Variants in TULP4 observed in about 807,000 individuals in gnomAD.
TULP4 encodes TUB like protein 4, also known as tubby-related protein 4.
Under a neutral mutation model 129.0 loss-of-function variants are expected in TULP4, and 16 were observed. The ratio of observed to expected loss-of-function variants is 0.12; its 90% CI spans 0.08 to 0.19. The LOEUF is 0.19. Among genes scored for constraint, TULP4 ranks in the 10% least tolerant of loss-of-function variants. The pLI is 1.00. For synonymous variants in TULP4, 998 were observed against 854.0 expected (o/e 1.17, Z -2.94); for missense variants, 1,842 against 2,059.1 (o/e 0.89, Z 2.04).
rs1394728284 is a variant in TULP4 at position 158,493,669 on chromosome 6, C to T, written c.1728C>T (p.Gly576=). 2 of 1,596,642 alleles carry T rather than the reference C, an allele frequency of 1.3e-6. No individual in the cohort carries two copies. Among genetic ancestry groups the T allele is most frequent in the East Asian group, 4.7e-5 (2 of 42,616 alleles). The change falls in exon 10 of 14, where the codon GGC becomes GGT. Residue 576 remains glycine, a synonymous_variant. Coordinates refer to ENST00000367097, the MANE Select transcript of TULP4 (RefSeq NM_020245.5). The surrounding 1 kb of genome is among the most constrained non-coding windows in gnomAD (Gnocchi z 4.4). Reference sequence around the variant, plus strand: ...TGCCCCTGCGCAAGCCCTCTGTGGGCTCGCCCAGCCTGACTCGGAGAGAGT... The same window carrying T: ...TGCCCCTGCGCAAGCCCTCTGTGGGTTCGCCCAGCCTGACTCGGAGAGAGT... ...PRLPLRKPSV[G]SPSLTRREFP...
chr6:158,422,618 G>C (rs1562559643), intron 2 of TULP4, among the ~76,000 whole-genome samples: 2 of 152,186 alleles, frequency 1.3e-5, no homozygotes, highest in East Asian at 1.9e-4. Context: ...GAAGGAAGAG[G>C]CTCCCCCATA....
chr6:158,452,174 G>A lies in TULP4; in HGVS notation c.765G>A (p.Lys255=), dbSNP rs762901179. The part of the protein sequence containing the change: ...AAYPIPVQNI[K]PLLTVSFTSG... Reference sequence around the variant, plus strand: ...ATCCCATCCCAGTGCAGAACATCAAGCCTCTGCTCACCGTCAGCTTCACCT... The same window carrying A: ...ATCCCATCCCAGTGCAGAACATCAAACCTCTGCTCACCGTCAGCTTCACCT... Residue 255 remains lysine (K), a synonymous_variant, in exon 5 of 14, where the codon AAG becomes AAA. Coordinates refer to ENST00000367097, the MANE Select transcript of TULP4 (RefSeq NM_020245.5). 1 of 1,614,206 alleles carries A rather than the reference G, an allele frequency of 6.2e-7. No homozygotes were observed.
chr6:158,349,899 G>A (rs6927707), intron 1 of TULP4, among the ~76,000 whole-genome samples: 109,503 of 117,780 alleles, frequency 0.93, 50,959 homozygotes, highest in Admixed American at 0.95. Flanking sequence ...CACCTCCTAG[G>A]TGGGGCGGCC....
chr6:158,300,443 C>CT (rs1779113128), intron 1 of TULP4, among the ~76,000 whole-genome samples: 1 of 152,202 alleles, frequency 6.6e-6, no homozygotes, highest in Non-Finnish European at 1.5e-5. Flanking sequence ...GTTGCTCAGA[C>CT]TGTTTGGACA....
intron 1 of TULP4, among the ~76,000 whole-genome samples, chr6:158,390,727 A>G (rs1189495225): frequency 1.3e-5 from 2 of 152,262 alleles, no homozygotes; most frequent in Non-Finnish European, 2.9e-5. Context: ...CAGTGGTGTC[A>G]TGGAAATTGA....
chr6:158,384,529 C>A lies in TULP4; in HGVS notation c.253-28536C>A, dbSNP rs565653628. Among the ~76,000 whole-genome samples, 4 of 152,202 alleles carry A rather than the reference C, an allele frequency of 2.6e-5. No homozygotes were observed. In the South Asian group the frequency reaches 8.3e-4, roughly 32 times the overall value. ...GATCTTGATCTCCTGACCTCATGAT[C>A]CACCCTCCTCAGCCTCCCAAAGTGC... On this transcript the variant is annotated intron_variant, in intron 1 of 13. Transcript: ENST00000367097.
At chr6:158,397,840 A>G (rs1461913655) in intron 1 of TULP4, 1 of 152,222 alleles carries the variant, frequency 6.6e-6, no homozygotes, top group Admixed American at 6.5e-5. Flanking sequence ...TTCGTGATTG[A>G]TAGTGGTGTC....
chr6:158,379,579 T>C (rs192519118), intron 1 of TULP4, among the ~76,000 whole-genome samples: 14 of 152,310 alleles, frequency 9.2e-5, no homozygotes, highest in Non-Finnish European at 1.6e-4. Flanking sequence ...AGCCTTGTGG[T>C]TGATCTTTCA....
intron 3 of TULP4, among the ~76,000 whole-genome samples, chr6:158,432,824 T>G (rs894643364): frequency 6.6e-6 from 1 of 152,248 alleles, no homozygotes; most frequent in African/African-American, 2.4e-5. Flanking sequence ...CTGAAACATT[T>G]TGCCATATTT....
intron 1 of TULP4, among the ~76,000 whole-genome samples, chr6:158,296,881 C>CA (rs1314822570): frequency 6.6e-6 from 1 of 152,188 alleles, no homozygotes; most frequent in Non-Finnish European, 1.5e-5. Flanking sequence ...GCAAAGATCA[C>CA]ATGCTTCTGA....
chr6:158,474,264 G>T (rs1779761691), intron 6 of TULP4, among the ~76,000 whole-genome samples: 1 of 152,170 alleles, frequency 6.6e-6, no homozygotes, highest in Non-Finnish European at 1.5e-5. Flanking sequence ...GGTGGAGAGG[G>T]AGGCTGGAGA....
chr6:158,442,690 A>G (rs1778926508), intron 3 of TULP4, among the ~76,000 whole-genome samples: 1 of 152,186 alleles, frequency 6.6e-6, no homozygotes, highest in Admixed American at 6.5e-5. Context: ...CACATGGTAT[A>G]AAATACTAAA....
intron 1 of TULP4, among the ~76,000 whole-genome samples, chr6:158,411,970 G>A (rs1562555164): frequency 6.6e-6 from 1 of 152,194 alleles, no homozygotes; most frequent in Non-Finnish European, 1.5e-5. Context: ...TAGCTATTAG[G>A]CACAAAATGC....
At chr6:158,411,126 GAAAAA>G (rs79023085) in intron 1 of TULP4, among the ~76,000 whole-genome samples, 2 of 52,170 alleles carry the variant, frequency 3.8e-5, no homozygotes, top group African/African-American at 6.2e-5. Flanking sequence ...AGGTAAAAGT[GAAAAA>G]AAAAAAAAAA....
chr6:158,338,330 C>T (rs1378814206), intron 1 of TULP4, among the ~76,000 whole-genome samples: 5 of 152,298 alleles, frequency 3.3e-5, no homozygotes, highest in Admixed American at 1.3e-4. Flanking sequence ...CCAAATTATA[C>T]TTTAAAGTGT....
intron 10 of TULP4, among the ~76,000 whole-genome samples, chr6:158,494,538 T>A (rs959525834): frequency 6.6e-6 from 1 of 152,092 alleles, no homozygotes; most frequent in African/African-American, 2.4e-5. Flanking sequence ...CACCCCCACC[T>A]TTCCCCCAGC....
chr6:158,415,373 G>A (rs1177695766), intron 2 of TULP4, among the ~76,000 whole-genome samples: 10 of 137,174 alleles, frequency 7.3e-5, no homozygotes, highest in Non-Finnish European at 1.1e-4. Context: ...TTTTTGAGAC[G>A]GAGTCACGCT....
chr6:158,502,711 G>T lies in TULP4; in HGVS notation c.3048G>T (p.Lys1016Asn). 1 of 1,560,928 alleles carries T rather than the reference G, an allele frequency of 6.4e-7. No homozygotes were observed. Residue 1016 changes from lysine (K) to asparagine (N), a missense_variant, in exon 13 of 14, where the codon AAG becomes AAT. Transcript: ENST00000367097. ...RAPLQPLAKS[K>N]GGPGGVVTQL... ...CCCTGCAGCCCCTGGCCAAGTCCAAGGGCGGGCCCGGGGGGGTGGTGACAC... is the reference window on the plus strand; with the variant it reads ...CCCTGCAGCCCCTGGCCAAGTCCAATGGCGGGCCCGGGGGGGTGGTGACAC...
At chr6:158,326,122 G>A (rs6455573) in intron 1 of TULP4, among the ~76,000 whole-genome samples, 131,131 of 152,170 alleles carry the variant, frequency 0.86, 56,912 homozygotes, top group South Asian at 0.93. Flanking sequence ...TGTTTACACT[G>A]TTTAAACTAT....
Sources: allele counts gnomAD v4.1 joint callset (sites outside exome capture counted in the v4.1 genomes callset), GRCh38; gene constraint gnomAD v4.1.1; non-coding constraint Gnocchi (gnomAD v3.1); transcripts MANE v1.5; gene names NCBI Gene and HGNC (gene_info 2026-07-23, HGNC 2026-07-21).